Variants in CREB5 observed in about 807,000 individuals in gnomAD.
CREB5 encodes cAMP responsive element binding protein 5, also known as cyclic AMP-responsive element-binding protein 5.
CREB5 carries 19 observed loss-of-function variants against 57.1 expected under a neutral mutation model. The ratio of observed to expected loss-of-function variants is 0.33; its 90% CI spans 0.23 to 0.49. The LOEUF (loss-of-function observed/expected upper bound fraction) is 0.49, where lower values mean the gene tolerates loss of function less well. Among genes scored for constraint, CREB5 ranks in the 20% least tolerant of loss-of-function variants. The probability of loss-of-function intolerance (pLI) is 0.99; values close to 1 mark genes in which losing one functional copy is unlikely to be tolerated. For missense variants in CREB5, 579 were observed against 671.6 expected, an observed-to-expected ratio of 0.86 and a Z score of 1.52; for synonymous variants, 238 against 238.3, an observed-to-expected ratio of 1.00 and a Z score of 0.01.
At chr7:28,816,861 A>C (rs780223436) in intron 9 of CREB5, among the ~76,000 whole-genome samples, 1 of 152,216 alleles carries the variant, frequency 6.6e-6, no homozygotes, top group Non-Finnish European at 1.5e-5. Context: ...GGCAGCCACA[A>C]ATAAACCTTG....
intron 7 of CREB5, among the ~76,000 whole-genome samples, chr7:28,797,118 G>C (rs967460890): frequency 6.6e-6 from 1 of 152,174 alleles, no homozygotes; most frequent in Non-Finnish European, 1.5e-5. Flanking sequence ...TATGGAAAAG[G>C]CTGGCAGGGA....
intron 1 of CREB5, among the ~76,000 whole-genome samples, chr7:28,407,060 T>C (rs766348851): frequency 1.3e-5 from 2 of 151,972 alleles, no homozygotes; most frequent in Non-Finnish European, 2.9e-5. Flanking sequence ...TTCCTTTTAT[T>C]TTTTTTGAGA....
intron 1 of CREB5, among the ~76,000 whole-genome samples, chr7:28,461,860 A>G (rs979166804): frequency 3.9e-5 from 6 of 152,232 alleles, no homozygotes; most frequent in Admixed American, 2.6e-4. Context: ...GCCCACTTGT[A>G]GTTTTATATA....
chr7:28,463,240 T>C (rs1790425097), intron 1 of CREB5, among the ~76,000 whole-genome samples: 1 of 152,158 alleles, frequency 6.6e-6, no homozygotes, highest in Non-Finnish European at 1.5e-5. Flanking sequence ...CTATTGATGA[T>C]AAATGTAAGG....
intron 7 of CREB5, among the ~76,000 whole-genome samples, chr7:28,743,572 G>C (rs940162487): frequency 2.0e-5 from 3 of 152,132 alleles, no homozygotes; most frequent in East Asian, 1.9e-4. Context: ...TTAGGAAACT[G>C]TTTGTTTCTG....
At chr7:28,650,815 T>A (rs1011127766) in intron 5 of CREB5, among the ~76,000 whole-genome samples, 10 of 152,278 alleles carry the variant, frequency 6.6e-5, no homozygotes, top group Admixed American at 5.9e-4. Flanking sequence ...TATCTTTTTT[T>A]AAAAAAAGAG....
chr7:28,503,782 C>T (rs944998509), intron 3 of CREB5, among the ~76,000 whole-genome samples: 1 of 152,146 alleles, frequency 6.6e-6, no homozygotes, highest in African/African-American at 2.4e-5. Flanking sequence ...ATGGCATAGG[C>T]ATGGGATTGA....
chr7:28,406,022 G>A (rs1396475139), intron 1 of CREB5, among the ~76,000 whole-genome samples: 1 of 152,186 alleles, frequency 6.6e-6, no homozygotes, highest in Non-Finnish European at 1.5e-5. Context: ...CACTAAGTTT[G>A]AGAAGTTCTT....
chr7:28,719,266 C>G lies in CREB5; in HGVS notation c.591+387C>G, dbSNP rs181651566. Reference sequence around the variant, plus strand: ...CTCAGGATAATAACTATAATAATATCAATAACAATGATCATACATAATAGC... The same window carrying G: ...CTCAGGATAATAACTATAATAATATGAATAACAATGATCATACATAATAGC... On this transcript the variant is annotated intron_variant, in intron 6 of 10. Coordinates refer to ENST00000357727, the MANE Select transcript of CREB5 (RefSeq NM_182898.4). Among the ~76,000 whole-genome samples, 141 of 152,290 alleles carry G rather than the reference C, an allele frequency of 9.3e-4. 1 individual carries two copies. The highest frequency in any genetic ancestry group is 3.1e-3 in the African/African-American group (130 of 41,556).
intron 5 of CREB5, 135 bp downstream of exon 5, chr7:28,570,672 G>C: frequency 1.0e-6 from 1 of 1,001,176 alleles, no homozygotes; most frequent in Non-Finnish European, 1.4e-6. Context: ...TCAGAGTGAT[G>C]CTTTTGATGG....
At chr7:28,674,323 A>T (rs896138117) in intron 5 of CREB5, among the ~76,000 whole-genome samples, 17 of 152,170 alleles carry the variant, frequency 1.1e-4, no homozygotes, top group South Asian at 2.1e-4. Flanking sequence ...CAGCTGCAGG[A>T]GCTACTGAAT....
intron 5 of CREB5, among the ~76,000 whole-genome samples, chr7:28,665,267 C>G (rs1206371496): frequency 6.6e-6 from 1 of 152,056 alleles, no homozygotes; most frequent in African/African-American, 2.4e-5. Flanking sequence ...ATCAATGTTG[C>G]CTGCGTCTCC....
At position 28,820,268 on chromosome 7, in the gene CREB5, A is replaced by G. The variant is rs1285138261; in HGVS notation, c.*989A>G. The G allele has an allele frequency of 2.0e-5, 3 of 152,628 alleles. No individual in the cohort carries two copies. The highest frequency in any genetic ancestry group is 7.2e-5 in the African/African-American group (3 of 41,450). 9.5% of individuals were successfully genotyped at this position (152,628 alleles called of 1,614,324 possible). On this transcript the variant is annotated 3_prime_UTR_variant, in exon 11 of 11. Coordinates refer to ENST00000357727, the MANE Select transcript of CREB5 (RefSeq NM_182898.4). ...AAAGTCCAAATTTTGATGTGGGGCTATAACATGACACCCTTGGATTGCGAC... is the reference window on the plus strand; with the variant it reads ...AAAGTCCAAATTTTGATGTGGGGCTGTAACATGACACCCTTGGATTGCGAC...
chr7:28,708,199 A>G (rs1262348722), intron 5 of CREB5, among the ~76,000 whole-genome samples: 1 of 152,174 alleles, frequency 6.6e-6, no homozygotes, highest in Non-Finnish European at 1.5e-5. Flanking sequence ...TTCCTTGGAG[A>G]ATAAGTGATC....
intron 1 of CREB5, among the ~76,000 whole-genome samples, chr7:28,419,002 A>G (rs1435322366): frequency 6.6e-6 from 1 of 152,194 alleles, no homozygotes; most frequent in East Asian, 1.9e-4. Context: ...CTTACTTTCC[A>G]GCTTCAGGCT....
chr7:28,495,085 A>C, intron 3 of CREB5, 86 bp downstream of exon 3: 1 of 864,162 alleles, frequency 1.2e-6, no homozygotes. Flanking sequence ...GGCGAGTCCC[A>C]CTGGTAAATT....
chr7:28,376,551 C>T (rs556822877), intron 1 of CREB5, among the ~76,000 whole-genome samples: 7 of 152,186 alleles, frequency 4.6e-5, no homozygotes, highest in African/African-American at 1.4e-4. Flanking sequence ...ATTACAGGCA[C>T]GAGCCACCGC....
At chr7:28,355,541 A>G (rs1349116970) in intron 1 of CREB5, among the ~76,000 whole-genome samples, 3 of 152,224 alleles carry the variant, frequency 2.0e-5, no homozygotes, top group Non-Finnish European at 4.4e-5. Flanking sequence ...GATTAAACAC[A>G]GCAGTGGAGC....
intron 1 of CREB5, among the ~76,000 whole-genome samples, chr7:28,460,918 G>A (rs990163361): frequency 1.3e-5 from 2 of 151,972 alleles, no homozygotes; most frequent in Admixed American, 6.6e-5. Flanking sequence ...CTTATGGGGG[G>A]GCATAGTGGC....
Sources: allele counts gnomAD v4.1 joint callset (sites outside exome capture counted in the v4.1 genomes callset), GRCh38; gene constraint gnomAD v4.1.1; transcripts MANE v1.5; gene names NCBI Gene and HGNC (gene_info 2026-07-23, HGNC 2026-07-21).